Variants in CSMD1 observed in about 807,000 individuals in gnomAD.
The protein encoded by CSMD1 is CUB and Sushi multiple domains 1.
CSMD1 carries 213 observed loss-of-function variants against 417.5 expected under a neutral mutation model. The ratio of observed to expected loss-of-function variants is 0.51; its 90% CI spans 0.46 to 0.57. The LOEUF is 0.57. CSMD1 is among the 20% of genes least tolerant of loss of function. The probability of loss-of-function intolerance (pLI) is 0.00; values close to 1 mark genes in which losing one functional copy is unlikely to be tolerated. For synonymous variants in CSMD1, 2,862 were observed against 1,736.8 expected, an observed-to-expected ratio of 1.65 and a Z score of -16.11; for missense variants, 6,923 against 4,529.7, an observed-to-expected ratio of 1.53 and a Z score of -15.17.
chr8:3,649,664 T>C (rs375824657), intron 7 of CSMD1, among the ~76,000 whole-genome samples: 1 of 152,138 alleles, frequency 6.6e-6, no homozygotes, highest in East Asian at 1.9e-4. Context: ...ATGATTCCAT[T>C]ACCTCCACCT....
chr8:4,151,668 A>C (rs1459204430), intron 3 of CSMD1, among the ~76,000 whole-genome samples: 2 of 152,212 alleles, frequency 1.3e-5, no homozygotes, highest in African/African-American at 4.8e-5. Flanking sequence ...TTATGTCAAC[A>C]TTATAGGTGA....
intron 10 of CSMD1, among the ~76,000 whole-genome samples, chr8:3,569,155 ATCT>A (rs993900223): frequency 2.6e-5 from 4 of 152,188 alleles, no homozygotes; most frequent in Admixed American, 2.6e-4. Flanking sequence ...CACTAAAGGA[ATCT>A]TCTTGAGAGG....
At chr8:4,168,042 T>A (rs1797553307) in intron 3 of CSMD1, among the ~76,000 whole-genome samples, 1 of 151,844 alleles carries the variant, frequency 6.6e-6, no homozygotes, top group African/African-American at 2.4e-5. Flanking sequence ...GGCCGTAGAA[T>A]TGCTTGAAAC....
chr8:3,094,790 G>C (rs1398932312), intron 47 of CSMD1, among the ~76,000 whole-genome samples: 1 of 113,556 alleles, frequency 8.8e-6, no homozygotes, highest in East Asian at 2.5e-4. Context: ...CTATAAAAGA[G>C]CCCGTCTTAC....
chr8:4,936,819 G>C (rs1437438411), intron 1 of CSMD1, among the ~76,000 whole-genome samples: 2 of 152,176 alleles, frequency 1.3e-5, no homozygotes, highest in African/African-American at 2.4e-5. Flanking sequence ...TTTTATAACA[G>C]CTTTGCTGCT....
chr8:3,830,270 G>C (rs1471977108), intron 5 of CSMD1, among the ~76,000 whole-genome samples: 1 of 152,174 alleles, frequency 6.6e-6, no homozygotes, highest in Non-Finnish European at 1.5e-5. Flanking sequence ...AGCACAGTTA[G>C]TCACATTACA....
intron 54 of CSMD1, among the ~76,000 whole-genome samples, chr8:2,993,915 C>T (rs952259910): frequency 1.3e-4 from 20 of 151,058 alleles, no homozygotes; most frequent in Admixed American, 6.6e-4. Flanking sequence ...TCCTGTAATC[C>T]CAGCACTTTG....
chr8:3,357,575 C>A (rs1045230014), intron 21 of CSMD1, among the ~76,000 whole-genome samples: 1 of 152,262 alleles, frequency 6.6e-6, no homozygotes, highest in Admixed American at 6.5e-5. Context: ...AAGATAATGA[C>A]TCTGGATGAA....
At chr8:4,763,147 A>T (rs1006856582) in intron 1 of CSMD1, among the ~76,000 whole-genome samples, 6 of 152,210 alleles carry the variant, frequency 3.9e-5, no homozygotes, top group African/African-American at 1.2e-4. Flanking sequence ...TAATACAGGA[A>T]ATAAAAACTG....
chr8:3,662,774 G>C (rs1415987051), intron 7 of CSMD1, among the ~76,000 whole-genome samples: 4 of 152,058 alleles, frequency 2.6e-5, no homozygotes, highest in Non-Finnish European at 4.4e-5. Flanking sequence ...TCACTCATAA[G>C]TGGGGTTGAA....
chr8:4,006,303 G>C (rs1469713336), intron 4 of CSMD1, among the ~76,000 whole-genome samples: 2 of 152,206 alleles, frequency 1.3e-5, no homozygotes, highest in Admixed American at 6.5e-5. Context: ...AAAGCATTTG[G>C]GAGGCTGAGA....
intron 12 of CSMD1, among the ~76,000 whole-genome samples, chr8:3,467,688 C>T (rs1461746599): frequency 6.6e-6 from 1 of 152,158 alleles, no homozygotes; most frequent in African/African-American, 2.4e-5. Flanking sequence ...TATTGTGACC[C>T]TTTATCCCAC....
At position 4,188,900 on chromosome 8, in the gene CSMD1, C is replaced by T. The variant is rs558405381; in HGVS notation, c.416-156801G>A. Among the ~76,000 whole-genome samples, 4 of 151,914 alleles carry T rather than the reference C, an allele frequency of 2.6e-5. No individual in the cohort carries two copies. The East Asian group carries it at 7.8e-4, about 29-fold the overall frequency. ...CTATGGATCTGCCTGATGAAACACACGGGGTTGGCATAGCTGCTGGGTTTC... is the reference window on the plus strand; with the variant it reads ...CTATGGATCTGCCTGATGAAACACATGGGGTTGGCATAGCTGCTGGGTTTC... On this transcript the variant is annotated intron_variant, in intron 3 of 69. Transcript: ENST00000635120.
chr8:2,978,052 G>A (rs1805083616), intron 55 of CSMD1, among the ~76,000 whole-genome samples: 1 of 152,160 alleles, frequency 6.6e-6, no homozygotes, highest in Non-Finnish European at 1.5e-5. Context: ...AATACCATTT[G>A]ACCCAGCAAT....
At chr8:4,806,054 C>T (rs956492273) in intron 1 of CSMD1, among the ~76,000 whole-genome samples, 6 of 152,076 alleles carry the variant, frequency 3.9e-5, no homozygotes, top group African/African-American at 1.4e-4. Context: ...GACGGAAACC[C>T]GGATTTTCGG....
chr8:4,728,307 A>G (rs1169681606), intron 1 of CSMD1, among the ~76,000 whole-genome samples: 1 of 151,598 alleles, frequency 6.6e-6, no homozygotes, highest in Non-Finnish European at 1.5e-5. Flanking sequence ...AGGTGTTTAT[A>G]TATTTTAGTG....
intron 23 of CSMD1, among the ~76,000 whole-genome samples, chr8:3,315,536 T>A (rs952944616): frequency 6.6e-6 from 1 of 152,100 alleles, no homozygotes; most frequent in Non-Finnish European, 1.5e-5. Context: ...TTGAGTCCTC[T>A]TGTTAGCTAC....
chr8:3,883,331 C>G (rs1806331184), intron 5 of CSMD1, among the ~76,000 whole-genome samples: 1 of 152,008 alleles, frequency 6.6e-6, no homozygotes, highest in Non-Finnish European at 1.5e-5. Context: ...ACACAATGTC[C>G]TGGACACTAA....
At chr8:4,715,202 T>C (rs1249202818) in intron 1 of CSMD1, among the ~76,000 whole-genome samples, 1 of 152,202 alleles carries the variant, frequency 6.6e-6, no homozygotes, top group Non-Finnish European at 1.5e-5. Flanking sequence ...AACGAAGAAA[T>C]ATGAAGAATG....
Sources: allele counts gnomAD v4.1 joint callset (sites outside exome capture counted in the v4.1 genomes callset), GRCh38; gene constraint gnomAD v4.1.1; transcripts MANE v1.5; gene names NCBI Gene and HGNC (gene_info 2026-07-23, HGNC 2026-07-21).